PRTFDC1: variants seen among roughly 807,000 people sequenced by gnomAD.
The protein encoded by PRTFDC1 is phosphoribosyl transferase domain containing 1, also known as phosphoribosyltransferase domain-containing protein 1.
PRTFDC1 carries 38 observed loss-of-function variants against 34.6 expected under a neutral mutation model. The observed-to-expected ratio is 1.10, with a 90% CI of 0.85 to 1.44. The LOEUF (loss-of-function observed/expected upper bound fraction) is 1.44. Ranked by LOEUF, PRTFDC1 falls within the 40% of genes most tolerant of loss-of-function variation. The pLI is 0.00. For missense variants in PRTFDC1, 270 were observed against 283.0 expected, an observed-to-expected ratio of 0.95 and a Z score of 0.33; for synonymous variants, 93 against 98.1, an observed-to-expected ratio of 0.95 and a Z score of 0.31.
chr10:24,912,951 G>A (rs1848647624), intron 3 of PRTFDC1, among the ~76,000 whole-genome samples: 1 of 152,094 alleles, frequency 6.6e-6, no homozygotes, highest in African/African-American at 2.4e-5. Flanking sequence ...AACTTCCAAA[G>A]CCGTCCCTTT....
rs565518068 is a variant in PRTFDC1 at position 24,952,353 on chromosome 10, T to C, written c.48+175A>G. Among the ~76,000 whole-genome samples, 4 of 151,750 alleles carry C rather than the reference T, an allele frequency of 2.6e-5. No individual in the cohort carries two copies. Among genetic ancestry groups the C allele is most frequent in the African/African-American group, 7.2e-5 (3 of 41,396 alleles). The stretch of plus-strand genomic sequence containing the variant: ...GGACGGGACTCAGAGTTTCGTCAGA[T>C]TGGGGGCGGGGAGAGGAGGCCCGGG... On this transcript the variant is annotated intron_variant, in intron 1 of 8. Transcript: ENST00000320152. This position sits in a 1 kb window ranked among gnomAD's most constrained non-coding sequence, Gnocchi z 5.1.
chr10:24,927,221 A>G (rs4237368), intron 3 of PRTFDC1, among the ~76,000 whole-genome samples: 49,151 of 152,008 alleles, frequency 0.32, 9,341 homozygotes, highest in African/African-American at 0.53. Flanking sequence ...AAAGCCCATC[A>G]TAAATACCTC....
chr10:24,877,937 G>A (rs1847994235), intron 3 of PRTFDC1, among the ~76,000 whole-genome samples: 1 of 151,108 alleles, frequency 6.6e-6, no homozygotes, highest in Non-Finnish European at 1.5e-5. Flanking sequence ...GGTATTATTT[G>A]ATCTCCAATT....
At chr10:24,889,970 G>C (rs1314254425) in intron 3 of PRTFDC1, among the ~76,000 whole-genome samples, 1 of 152,198 alleles carries the variant, frequency 6.6e-6, no homozygotes, top group African/African-American at 2.4e-5. Context: ...TCATCTAAAA[G>C]TAGCACAAAA....
chr10:24,890,049 T>C (rs1046442964), intron 3 of PRTFDC1, among the ~76,000 whole-genome samples: 1 of 152,162 alleles, frequency 6.6e-6, no homozygotes, highest in Admixed American at 6.5e-5. Context: ...GAGGAATAAA[T>C]GTATCCTCTA....
intron 3 of PRTFDC1, chr10:24,908,523 G>T: frequency 6.2e-7 from 1 of 1,612,608 alleles, no homozygotes; most frequent in Non-Finnish European, 8.5e-7. Context: ...TCTGATCTTG[G>T]TAACTGAAAC....
At chr10:24,889,443 C>T (rs2132536901) in intron 3 of PRTFDC1, among the ~76,000 whole-genome samples, 1 of 152,200 alleles carries the variant, frequency 6.6e-6, no homozygotes, top group Admixed American at 6.5e-5. Context: ...ACCCACTTCT[C>T]AAAGTTACAT....
chr10:24,925,876 T>G (rs1296860102), intron 3 of PRTFDC1, among the ~76,000 whole-genome samples: 1 of 152,238 alleles, frequency 6.6e-6, no homozygotes, highest in Admixed American at 6.5e-5. Context: ...GGCAGCCAAC[T>G]GGAGTCTGAT....
At chr10:24,894,135 G>A (rs1304245983) in intron 3 of PRTFDC1, among the ~76,000 whole-genome samples, 2 of 152,112 alleles carry the variant, frequency 1.3e-5, no homozygotes, top group Admixed American at 6.5e-5. Context: ...ATGGAGACCA[G>A]CCTGGCCAAC....
intron 3 of PRTFDC1, among the ~76,000 whole-genome samples, chr10:24,917,543 C>G (rs565392432): frequency 1.6e-4 from 25 of 152,258 alleles, no homozygotes; most frequent in African/African-American, 4.6e-4. Flanking sequence ...TGTTCTCGCT[C>G]TATTTTCTTG....
At chr10:24,946,148 A>C (rs1849247751) in intron 1 of PRTFDC1, among the ~76,000 whole-genome samples, 1 of 151,816 alleles carries the variant, frequency 6.6e-6, no homozygotes, top group Non-Finnish European at 1.5e-5. Context: ...CAACCACATC[A>C]ATCCTTTACT....
At chr10:24,865,065 G>C (rs1419707855) in intron 4 of PRTFDC1, among the ~76,000 whole-genome samples, 1 of 152,140 alleles carries the variant, frequency 6.6e-6, no homozygotes, top group Non-Finnish European at 1.5e-5. Context: ...GCAGTGAGCT[G>C]AGATCGTGCC....
At chr10:24,899,837 C>T (rs1483801085) in intron 3 of PRTFDC1, among the ~76,000 whole-genome samples, 2 of 152,174 alleles carry the variant, frequency 1.3e-5, no homozygotes, top group Non-Finnish European at 2.9e-5. Context: ...AACAATGTTG[C>T]GGGAAGTATT....
At chr10:24,881,474 A>G (rs1490113874) in intron 3 of PRTFDC1, among the ~76,000 whole-genome samples, 2 of 152,186 alleles carry the variant, frequency 1.3e-5, no homozygotes, top group African/African-American at 4.8e-5. Flanking sequence ...TACAGTCAGC[A>G]GGGCATGGAG....
chr10:24,883,065 T>C (rs1848106845), intron 3 of PRTFDC1, among the ~76,000 whole-genome samples: 1 of 148,230 alleles, frequency 6.7e-6, no homozygotes, highest in African/African-American at 2.4e-5. Flanking sequence ...AATTTATATA[T>C]ACCAATATTT....
chr10:24,918,590 A>AT, intron 3 of PRTFDC1, among the ~76,000 whole-genome samples: 1 of 151,254 alleles, frequency 6.6e-6, no homozygotes, highest in East Asian at 1.9e-4. Context: ...TAATTTTTAG[A>AT]TTTTTGTAGA....
At chr10:24,895,688 G>GATATATATATATATAT (rs762084915) in intron 3 of PRTFDC1, among the ~76,000 whole-genome samples, 2 of 47,382 alleles carry the variant, frequency 4.2e-5, no homozygotes, top group Admixed American at 2.5e-4. Context: ...AGCTGGGGTG[G>GATATATATATATATAT]ATATATATAT....
At chr10:24,898,195 A>G (rs1848397798) in intron 3 of PRTFDC1, among the ~76,000 whole-genome samples, 1 of 150,950 alleles carries the variant, frequency 6.6e-6, no homozygotes, top group Non-Finnish European at 1.5e-5. Context: ...TCACACCTGT[A>G]ATCTCAGCAC....
At chr10:24,888,541 G>C (rs980629711) in intron 3 of PRTFDC1, among the ~76,000 whole-genome samples, 1 of 152,158 alleles carries the variant, frequency 6.6e-6, no homozygotes, top group African/African-American at 2.4e-5. Flanking sequence ...ACCTGGCACC[G>C]AGTGTCTTAG....
Sources: gnomAD v4.1 joint callset for allele counts (sites outside exome capture counted in the v4.1 genomes callset) on GRCh38, gnomAD v4.1.1 for gene constraint, Gnocchi (gnomAD v3.1) non-coding constraint, MANE v1.5 for transcripts, NCBI Gene and HGNC (gene_info 2026-07-23, HGNC 2026-07-21) for gene names.